Variants in PRKG1 observed in about 807,000 individuals in gnomAD.
The protein encoded by PRKG1 is cGMP-dependent protein kinase 1.
In PRKG1, 35 loss-of-function variants were observed where a neutral mutation model predicts 88.1. That is an observed-to-expected ratio of 0.40 (90% CI 0.30 to 0.53). The LOEUF (loss-of-function observed/expected upper bound fraction) is 0.53, where lower values mean the gene tolerates loss of function less well. PRKG1 is among the 20% of genes least tolerant of loss of function. The pLI is 0.59. For synonymous variants in PRKG1, 303 were observed against 292.5 expected, an observed-to-expected ratio of 1.04 and a Z score of -0.37; for missense variants, 540 against 839.8, an observed-to-expected ratio of 0.64 and a Z score of 4.41.
chr10:52,270,546 A>G (rs1363923432), intron 10 of PRKG1, among the ~76,000 whole-genome samples: 1 of 152,084 alleles, frequency 6.6e-6, no homozygotes, highest in African/African-American at 2.4e-5. Flanking sequence ...AGCCATAAAA[A>G]ATGATGAGTT....
At chr10:52,022,600 C>A (rs6480657) in intron 5 of PRKG1, among the ~76,000 whole-genome samples, 84,228 of 151,770 alleles carry the variant, frequency 0.55, 23,674 homozygotes, top group Admixed American at 0.6. Flanking sequence ...TGGGAATAGG[C>A]AGAATAATAT....
intron 3 of PRKG1, among the ~76,000 whole-genome samples, chr10:51,784,458 A>C (rs1308735603): frequency 6.6e-6 from 1 of 152,118 alleles, no homozygotes; most frequent in Non-Finnish European, 1.5e-5. Flanking sequence ...TAAAAAGCAA[A>C]ACAAAACAAC....
chr10:51,257,166 G>GT (rs35730040), intron 2 of PRKG1, among the ~76,000 whole-genome samples: 5,525 of 138,764 alleles, frequency 0.04, 145 homozygotes, highest in African/African-American at 0.076. Context: ...TCAGAGAAGG[G>GT]TTTTTTTTTT....
Position 51,835,587 on chromosome 10 carries a change from CT to C in PRKG1, c.698+30904del, listed in dbSNP as rs1027072715. 5.3e-5 allele frequency among the ~76,000 whole-genome samples: 8 copies of C among 152,302 alleles called. No individual in the cohort carries two copies. In the South Asian group the frequency reaches 1.2e-3, roughly 24 times the overall value. On this transcript the variant is annotated intron_variant, in intron 4 of 17. Transcript: ENST00000373980. Reference sequence around the variant, plus strand: ...ATTTCCCCATGAACATAAATTATAACTTTTTTTCATTGGTTATCAATTATAT... The same window carrying C: ...ATTTCCCCATGAACATAAATTATAACTTTTTTCATTGGTTATCAATTATAT...
At chr10:51,245,786 G>A (rs1462421674) in intron 2 of PRKG1, 2 of 152,048 alleles carry the variant, frequency 1.3e-5, no homozygotes, top group African/African-American at 4.8e-5. Flanking sequence ...TGTAACTGTT[G>A]GAATTTGAGA....
At chr10:51,962,282 T>G (rs1490269579) in intron 5 of PRKG1, among the ~76,000 whole-genome samples, 1 of 152,142 alleles carries the variant, frequency 6.6e-6, no homozygotes, top group African/African-American at 2.4e-5. Flanking sequence ...GAATGGTGGG[T>G]GGGAACACTA....
At chr10:51,798,409 T>C (rs1468481140) in intron 3 of PRKG1, among the ~76,000 whole-genome samples, 1 of 152,088 alleles carries the variant, frequency 6.6e-6, no homozygotes, top group Non-Finnish European at 1.5e-5. Flanking sequence ...TTAGTGGTGT[T>C]GAACATCATT....
chr10:51,119,433 T>A (rs1171085646), intron 1 of PRKG1, among the ~76,000 whole-genome samples: 1 of 152,062 alleles, frequency 6.6e-6, no homozygotes, highest in East Asian at 1.9e-4. Flanking sequence ...ATCTGGAATA[T>A]CAAAAATACA....
At chr10:51,429,462 G>A (rs1255196001) in intron 2 of PRKG1, among the ~76,000 whole-genome samples, 1 of 151,970 alleles carries the variant, frequency 6.6e-6, no homozygotes, top group Non-Finnish European at 1.5e-5. Flanking sequence ...GAAAAATGTG[G>A]CCCAGACTAA....
chr10:51,929,551 A>G (rs1452607709), intron 5 of PRKG1, among the ~76,000 whole-genome samples: 2 of 151,874 alleles, frequency 1.3e-5, no homozygotes, highest in Admixed American at 1.3e-4. Context: ...GGTTTTCACC[A>G]TGTTGGCCAG....
intron 3 of PRKG1, among the ~76,000 whole-genome samples, chr10:51,516,550 C>A (rs7073788): frequency 0.099 from 15,056 of 152,154 alleles, 2,345 homozygotes; most frequent in African/African-American, 0.33. Context: ...CAGGGACCCA[C>A]TGCTTTCTGC....
intron 9 of PRKG1, among the ~76,000 whole-genome samples, chr10:52,162,621 A>C (rs116477416): frequency 0.012 from 1,813 of 152,206 alleles, 31 homozygotes; most frequent in African/African-American, 0.041. Context: ...TAAAGGATTA[A>C]ATTGACAACA....
chr10:51,274,757 T>A (rs1840071152), intron 2 of PRKG1, among the ~76,000 whole-genome samples: 2 of 152,102 alleles, frequency 1.3e-5, no homozygotes, highest in South Asian at 4.1e-4. Context: ...AAACAGACAA[T>A]GGAGAAAAAT....
chr10:52,075,326 T>G (rs183046561), intron 7 of PRKG1, among the ~76,000 whole-genome samples: 1 of 152,330 alleles, frequency 6.6e-6, no homozygotes, highest in East Asian at 1.9e-4. Context: ...CCTAGATGGA[T>G]CTATACGCTC....
chr10:51,091,219 T>C (rs2131864805), intron 1 of PRKG1, among the ~76,000 whole-genome samples: 1 of 152,302 alleles, frequency 6.6e-6, no homozygotes, highest in South Asian at 2.1e-4. Flanking sequence ...TTTTAACAGC[T>C]TTATGGAAGT....
At chr10:51,070,131 A>G (rs1235029740), upstream of PRKG1, among the ~76,000 whole-genome samples, 2 of 152,142 alleles carry the variant, frequency 1.3e-5, no homozygotes, top group Non-Finnish European at 2.9e-5. Flanking sequence ...GCAGAAAGTA[A>G]TGAGGGGTAG....
chr10:52,208,590 G>A (rs540333249), intron 9 of PRKG1, among the ~76,000 whole-genome samples: 17 of 152,252 alleles, frequency 1.1e-4, no homozygotes, highest in Admixed American at 1.0e-3. Flanking sequence ...ACCACTCAGA[G>A]CTAACACTAG....
intron 4 of PRKG1, among the ~76,000 whole-genome samples, chr10:51,892,805 C>T (rs1417841136): frequency 1.3e-5 from 2 of 152,160 alleles, no homozygotes; most frequent in Non-Finnish European, 2.9e-5. Context: ...TGGAGAAACA[C>T]TGTTGAAGAA....
intron 3 of PRKG1, among the ~76,000 whole-genome samples, chr10:51,474,071 A>C (rs572490879): frequency 1.3e-5 from 2 of 152,124 alleles, no homozygotes; most frequent in South Asian, 4.1e-4. Context: ...AGTAACAATA[A>C]GTAATAAAAG....
Sources: gnomAD v4.1 joint callset for allele counts (sites outside exome capture counted in the v4.1 genomes callset) on GRCh38, gnomAD v4.1.1 for gene constraint, MANE v1.5 for transcripts, NCBI Gene and HGNC (gene_info 2026-07-23, HGNC 2026-07-21) for gene names.